Variants in LRRTM4 observed in about 807,000 individuals in gnomAD.
LRRTM4 encodes leucine-rich repeat transmembrane neuronal protein 4.
Under a neutral mutation model 47.6 loss-of-function variants are expected in LRRTM4, and 25 were observed. That is an observed-to-expected ratio of 0.53 (90% CI 0.38 to 0.73). The LOEUF is 0.73. Ranked by LOEUF, LRRTM4 falls within the 30% of genes least tolerant of loss-of-function variation. The pLI is 0.00. For synonymous variants in LRRTM4, 311 were observed against 269.5 expected (o/e 1.15, Z -1.51); for missense variants, 638 against 713.4 (o/e 0.89, Z 1.20).
chr2:77,067,748 A>T (rs1465175350), intron 3 of LRRTM4, among the ~76,000 whole-genome samples: 1 of 151,682 alleles, frequency 6.6e-6, no homozygotes, highest in African/African-American at 2.4e-5. Flanking sequence ...AAGAAAACGG[A>T]AGTCACAGGA....
intron 3 of LRRTM4, among the ~76,000 whole-genome samples, chr2:76,951,979 T>C (rs1675513610): frequency 6.6e-6 from 1 of 152,020 alleles, no homozygotes; most frequent in Non-Finnish European, 1.5e-5. Context: ...TATGACTTCA[T>C]AGTATTCCGT....
Position 77,165,356 on chromosome 2 carries a change from G to A in LRRTM4, c.1551+352962C>T, listed in dbSNP as rs544940394. ...AACCAAAAAAAGTCCAGGACCGACA[G>A]ATTCACAGCCAAATTCTACCAGAGG... On this transcript the variant is annotated intron_variant, in intron 3 of 3. Coordinates refer to ENST00000409884, the MANE Select transcript of LRRTM4 (RefSeq NM_001134745.3). Among the ~76,000 whole-genome samples the A allele has an allele frequency of 4.6e-5, 7 of 152,242 alleles. No individual in the cohort carries two copies. In the South Asian group the frequency reaches 1.5e-3, roughly 32 times the overall value.
chr2:76,926,982 G>A (rs940562154), intron 3 of LRRTM4, among the ~76,000 whole-genome samples: 3 of 152,144 alleles, frequency 2.0e-5, no homozygotes, highest in African/African-American at 7.2e-5. Context: ...TCAAGATGGT[G>A]AATGAGGACA....
At chr2:77,171,579 GT>G (rs1184272104) in intron 3 of LRRTM4, among the ~76,000 whole-genome samples, 1 of 151,504 alleles carries the variant, frequency 6.6e-6, no homozygotes, top group African/African-American at 2.4e-5. Flanking sequence ...GACTGGCCTG[GT>G]TTATGTTTTT....
intron 3 of LRRTM4, among the ~76,000 whole-genome samples, chr2:76,790,378 G>A (rs1254051335): frequency 1.3e-5 from 2 of 152,066 alleles, no homozygotes; most frequent in Admixed American, 6.6e-5. Context: ...TTTTCAGTTG[G>A]AAAGATCTTG....
chr2:76,890,843 G>T (rs1673228509), intron 3 of LRRTM4, among the ~76,000 whole-genome samples: 3 of 151,866 alleles, frequency 2.0e-5, no homozygotes, highest in Non-Finnish European at 4.4e-5. Flanking sequence ...CGACTTGCAT[G>T]CCAGAATAGA....
chr2:76,976,016 G>C (rs1472517406), intron 3 of LRRTM4, among the ~76,000 whole-genome samples: 1 of 151,646 alleles, frequency 6.6e-6, no homozygotes, highest in East Asian at 1.9e-4. Context: ...TTGGGGAAAT[G>C]GTGTTTCCTT....
intron 3 of LRRTM4, among the ~76,000 whole-genome samples, chr2:77,485,422 G>A (rs910037499): frequency 3.3e-5 from 5 of 152,190 alleles, no homozygotes; most frequent in Middle Eastern, 3.4e-3. Context: ...AGAAAACAAT[G>A]AACAAAGACC....
intron 3 of LRRTM4, among the ~76,000 whole-genome samples, chr2:77,505,841 A>G (rs1186996234): frequency 1.3e-5 from 2 of 151,574 alleles, no homozygotes; most frequent in South Asian, 2.1e-4. Context: ...CTCTAAGACA[A>G]TATTTTTTAT....
chr2:77,207,161 T>TAG (rs1674149601), intron 3 of LRRTM4, among the ~76,000 whole-genome samples: 1 of 144,720 alleles, frequency 6.9e-6, no homozygotes, highest in South Asian at 2.1e-4. Context: ...TATATATATA[T>TAG]ATAGAAAATT....
chr2:77,084,580 C>G (rs77569480), intron 3 of LRRTM4, among the ~76,000 whole-genome samples: 2,337 of 152,268 alleles, frequency 0.015, 52 homozygotes, highest in African/African-American at 0.053. Context: ...TCTACATCCC[C>G]TGCTGTACAT....
chr2:77,373,763 G>C (rs1365089055), intron 3 of LRRTM4, among the ~76,000 whole-genome samples: 1 of 151,726 alleles, frequency 6.6e-6, no homozygotes, highest in African/African-American at 2.4e-5. Context: ...CAGGAAGTAA[G>C]GTGAGAATGT....
chr2:77,313,032 T>A (rs1677501555), intron 3 of LRRTM4, among the ~76,000 whole-genome samples: 1 of 152,146 alleles, frequency 6.6e-6, no homozygotes, highest in South Asian at 2.1e-4. Context: ...TTTCCTTCCA[T>A]CACTAGAAAA....
chr2:77,518,160 G>A, intron 3 of LRRTM4, 158 bp downstream of exon 3: 1 of 1,271,728 alleles, frequency 7.9e-7, no homozygotes. Context: ...CAATTTCCTG[G>A]TGGTTGTAAT....
chr2:76,886,648 T>G (rs1673084514), intron 3 of LRRTM4, among the ~76,000 whole-genome samples: 1 of 152,014 alleles, frequency 6.6e-6, no homozygotes, highest in Non-Finnish European at 1.5e-5. Context: ...AAATGGCTGG[T>G]TACAAAAATG....
intron 3 of LRRTM4, among the ~76,000 whole-genome samples, chr2:77,380,447 T>A (rs1194764165): frequency 1.3e-5 from 2 of 152,134 alleles, no homozygotes; most frequent in African/African-American, 4.8e-5. Context: ...TGTAAAATGA[T>A]ATTAAACACA....
At chr2:77,192,150 G>T (rs770117010) in intron 3 of LRRTM4, among the ~76,000 whole-genome samples, 3 of 152,034 alleles carry the variant, frequency 2.0e-5, no homozygotes, top group Non-Finnish European at 2.9e-5. Flanking sequence ...GGGTTGCCAT[G>T]CTTGTGAGAA....
intron 3 of LRRTM4, among the ~76,000 whole-genome samples, chr2:77,010,071 T>A (rs577373050): frequency 6.6e-6 from 1 of 152,168 alleles, no homozygotes; most frequent in Non-Finnish European, 1.5e-5. Context: ...TATATGTATA[T>A]GTTTTGGAAT....
chr2:76,837,590 A>G (rs1388001010), intron 3 of LRRTM4, among the ~76,000 whole-genome samples: 4 of 152,292 alleles, frequency 2.6e-5, no homozygotes, highest in Admixed American at 2.0e-4. Flanking sequence ...TACTGGGTAT[A>G]TACCCAAAGG....
Sources: allele counts gnomAD v4.1 joint callset (sites outside exome capture counted in the v4.1 genomes callset), GRCh38; gene constraint gnomAD v4.1.1; transcripts MANE v1.5; gene names NCBI Gene and HGNC (gene_info 2026-07-23, HGNC 2026-07-21).